NXPE2: variants seen among roughly 807,000 people sequenced by gnomAD.
The protein encoded by NXPE2 is NXPE family member 2.
Under a neutral mutation model 34.4 loss-of-function variants are expected in NXPE2, and 34 were observed. The ratio of observed to expected loss-of-function variants is 0.99; its 90% CI spans 0.75 to 1.31. NXPE2 has a LOEUF of 1.31. Ranked by LOEUF, NXPE2 falls within the 40% of genes most tolerant of loss-of-function variation. The pLI is 0.00. For synonymous variants in NXPE2, 235 were observed against 231.3 expected, an observed-to-expected ratio of 1.02 and a Z score of -0.15; for missense variants, 649 against 672.5, an observed-to-expected ratio of 0.97 and a Z score of 0.39.
the NXPE2 span, among the ~76,000 whole-genome samples, chr11:114,542,224 A>AAAAT: frequency 6.6e-6 from 1 of 152,142 alleles, no homozygotes; most frequent in Non-Finnish European, 1.5e-5. Flanking sequence ...CAAAATTTGT[A>AAAAT]GAGTAAAATG....
the NXPE2 span, among the ~76,000 whole-genome samples, chr11:114,625,872 G>A: frequency 1.3e-5 from 2 of 152,156 alleles, no homozygotes; most frequent in Non-Finnish European, 2.9e-5. Context: ...GGAAGCGCAA[G>A]GGGTCAGGGA....
At chr11:114,653,459 T>C in the NXPE2 span, among the ~76,000 whole-genome samples, 4 of 151,972 alleles carry the variant, frequency 2.6e-5, no homozygotes, top group African/African-American at 9.6e-5. Context: ...GCTTTGAAAA[T>C]ATTTAACCCT....
At chr11:114,566,204 GT>G in the NXPE2 span, among the ~76,000 whole-genome samples, 2 of 152,162 alleles carry the variant, frequency 1.3e-5, no homozygotes, top group East Asian at 3.9e-4. Flanking sequence ...ATACTTACAA[GT>G]TATGGAAATC....
the NXPE2 span, among the ~76,000 whole-genome samples, chr11:114,797,642 A>G: frequency 1.3e-5 from 2 of 152,158 alleles, no homozygotes; most frequent in African/African-American, 4.8e-5. Context: ...CCATCTATTA[A>G]CCAGAGTTTG....
the NXPE2 span, among the ~76,000 whole-genome samples, chr11:114,780,617 T>C: frequency 1.7e-3 from 262 of 152,288 alleles, no homozygotes; most frequent in African/African-American, 5.8e-3. Flanking sequence ...TCTGTACTGG[T>C]AACTCTAGTA....
At chr11:114,522,317 G>A in the NXPE2 span, 1 of 1,614,074 alleles carries the variant, frequency 6.2e-7, no homozygotes, top group Non-Finnish European at 8.5e-7. Flanking sequence ...GACGATGGCT[G>A]TGTTTTTGTC....
the NXPE2 span, among the ~76,000 whole-genome samples, chr11:114,519,224 C>T: frequency 7.3e-6 from 1 of 137,846 alleles, no homozygotes; most frequent in Admixed American, 7.0e-5. Context: ...AATGCTTTCC[C>T]CCCGTTTGGC....
At chr11:114,470,056 A>T in the NXPE2 span, among the ~76,000 whole-genome samples, 1 of 152,158 alleles carries the variant, frequency 6.6e-6, no homozygotes, top group Non-Finnish European at 1.5e-5. Flanking sequence ...GGAACATTTC[A>T]TTGTATGGAT....
chr11:114,528,007 G>T, the NXPE2 span: 1 of 711,052 alleles, frequency 1.4e-6, no homozygotes, highest in Non-Finnish European at 2.3e-6. Context: ...TCTATAACTG[G>T]AAGCTGTTAT....
At chr11:114,699,885 C>T (rs1455791452) in intron 3 of NXPE2, among the ~76,000 whole-genome samples, 4 of 151,678 alleles carry the variant, frequency 2.6e-5, no homozygotes, top group African/African-American at 7.3e-5. Flanking sequence ...CCTCCGCCTC[C>T]TGGGTACAAG....
chr11:114,687,373 C>CT (rs1951067846), intron 2 of NXPE2, among the ~76,000 whole-genome samples: 1 of 152,020 alleles, frequency 6.6e-6, no homozygotes, highest in Non-Finnish European at 1.5e-5. Context: ...ATACGTTATC[C>CT]TTTCCCCAGT....
At chr11:114,496,712 A>G in the NXPE2 span, among the ~76,000 whole-genome samples, 4 of 152,160 alleles carry the variant, frequency 2.6e-5, no homozygotes, top group African/African-American at 4.8e-5. Flanking sequence ...GCGTGTCTTT[A>G]TAGTACATTT....
the NXPE2 span, among the ~76,000 whole-genome samples, chr11:114,613,393 CGTGG>C: frequency 2.9e-4 from 44 of 151,058 alleles, no homozygotes; most frequent in Admixed American, 2.8e-3. Flanking sequence ...AGTGTTGCCT[CGTGG>C]GTGGGTAAGC....
At chr11:114,656,293 T>C in the NXPE2 span, among the ~76,000 whole-genome samples, 3 of 152,074 alleles carry the variant, frequency 2.0e-5, no homozygotes, top group South Asian at 2.1e-4. Flanking sequence ...TACAAACAAA[T>C]GGAAAAGCAT....
At chr11:114,470,370 A>G in the NXPE2 span, among the ~76,000 whole-genome samples, 1 of 152,128 alleles carries the variant, frequency 6.6e-6, no homozygotes, top group Non-Finnish European at 1.5e-5. Flanking sequence ...ATGCTTACTC[A>G]TTAGGATTTT....
chr11:114,701,395 G>A (rs552126179), intron 3 of NXPE2, among the ~76,000 whole-genome samples: 9 of 152,204 alleles, frequency 5.9e-5, no homozygotes, highest in Admixed American at 3.3e-4. Context: ...CCCTAGTCTG[G>A]CAGACTGGCA....
chr11:114,686,920 A>C (rs1321456643), intron 2 of NXPE2, among the ~76,000 whole-genome samples: 2 of 152,128 alleles, frequency 1.3e-5, no homozygotes, highest in African/African-American at 4.8e-5. Flanking sequence ...TCTTTTGAGA[A>C]GTATCTGTTA....
chr11:114,781,016 A>C, the NXPE2 span, among the ~76,000 whole-genome samples: 716 of 152,250 alleles, frequency 4.7e-3, 5 homozygotes, highest in Non-Finnish European at 5.1e-3. Context: ...TTTTTGTATC[A>C]TGGGAAGCCA....
chr11:114,802,550 C>T, the NXPE2 span, among the ~76,000 whole-genome samples: 1 of 152,178 alleles, frequency 6.6e-6, no homozygotes, highest in Non-Finnish European at 1.5e-5. Flanking sequence ...CTAGCGTGGA[C>T]TTTCTTATTA....
Sources: allele counts gnomAD v4.1 joint callset (sites outside exome capture counted in the v4.1 genomes callset), GRCh38; gene constraint gnomAD v4.1.1; transcripts MANE v1.5; gene names NCBI Gene and HGNC (gene_info 2026-07-23, HGNC 2026-07-21).